The following DLGAP2 variants were observed in gnomAD, a reference collection of about 807,000 sequenced individuals.
DLGAP2 encodes the protein DLG associated protein 2.
Under a neutral mutation model 100.3 loss-of-function variants are expected in DLGAP2, and 26 were observed. That is an observed-to-expected ratio of 0.26 (90% CI 0.19 to 0.36). The LOEUF (loss-of-function observed/expected upper bound fraction) is 0.36. Among genes scored for constraint, DLGAP2 ranks in the 10% least tolerant of loss-of-function variants. The pLI is 1.00. For synonymous variants in DLGAP2, 886 were observed against 630.1 expected, an observed-to-expected ratio of 1.41 and a Z score of -6.08; for missense variants, 1,858 against 1,453.2, an observed-to-expected ratio of 1.28 and a Z score of -4.53.
At chr8:1,567,910 C>T (rs2059077028) in intron 6 of DLGAP2, among the ~76,000 whole-genome samples, 1 of 152,228 alleles carries the variant, frequency 6.6e-6, no homozygotes, top group Non-Finnish European at 1.5e-5. Flanking sequence ...AGAAAGCATT[C>T]CATGGCCTCA....
chr8:1,167,432 G>A (rs1404816568), intron 2 of DLGAP2, among the ~76,000 whole-genome samples: 7 of 152,212 alleles, frequency 4.6e-5, no homozygotes, highest in South Asian at 4.1e-4. Context: ...CTGTGTCCCC[G>A]GCTGCTAGGG....
At chr8:1,287,280 GTGGTT>G (rs1457420092) in intron 3 of DLGAP2, among the ~76,000 whole-genome samples, 2 of 46,442 alleles carry the variant, frequency 4.3e-5, no homozygotes, top group African/African-American at 3.3e-4. Flanking sequence ...GTGTGTGTGT[GTGGTT>G]GTTAGGAGGG....
chr8:1,415,665 G>C (rs563348632), intron 3 of DLGAP2, among the ~76,000 whole-genome samples: 15 of 152,298 alleles, frequency 9.8e-5, no homozygotes, highest in African/African-American at 3.6e-4. Context: ...CGGCTGCATA[G>C]AATTTCGTGG....
chr8:927,326 T>A, intron 2 of DLGAP2: 1 of 775,624 alleles, frequency 1.3e-6, no homozygotes, highest in Non-Finnish European at 1.6e-6. Context: ...ACATGTTGAT[T>A]CAATGACTAA....
chr8:833,767 A>C (rs148537785), intron 1 of DLGAP2, among the ~76,000 whole-genome samples: 5 of 152,312 alleles, frequency 3.3e-5, no homozygotes, highest in African/African-American at 1.2e-4. Context: ...ATGTATGCAT[A>C]CCTTTCATCT....
At chr8:875,197 C>G (rs1797667334) in intron 1 of DLGAP2, among the ~76,000 whole-genome samples, 1 of 152,172 alleles carries the variant, frequency 6.6e-6, no homozygotes, top group South Asian at 2.1e-4. Flanking sequence ...AAAATTAAGT[C>G]TGACAACATG....
At chr8:1,096,113 CAA>C (rs1192964540) in intron 2 of DLGAP2, among the ~76,000 whole-genome samples, 1 of 152,216 alleles carries the variant, frequency 6.6e-6, no homozygotes, top group Non-Finnish European at 1.5e-5. Flanking sequence ...TTACATCACA[CAA>C]GTGTGTAAAC....
chr8:1,101,534 A>C (rs2129043782), intron 2 of DLGAP2, among the ~76,000 whole-genome samples: 1 of 152,034 alleles, frequency 6.6e-6, no homozygotes, highest in East Asian at 1.9e-4. Flanking sequence ...CTGGGGGTGG[A>C]GGGGGCATTT....
chr8:1,636,539 T>TTTAC (rs1258224901), intron 8 of DLGAP2, among the ~76,000 whole-genome samples: 4 of 152,236 alleles, frequency 2.6e-5, no homozygotes, highest in Non-Finnish European at 5.9e-5. Flanking sequence ...TTTTTAAAAT[T>TTTAC]TTACTTCTTT....
At chr8:1,223,697 G>C (rs909179062) in intron 2 of DLGAP2, among the ~76,000 whole-genome samples, 1 of 152,180 alleles carries the variant, frequency 6.6e-6, no homozygotes, top group Non-Finnish European at 1.5e-5. Context: ...GTCTGCCACT[G>C]TGGGCCCCTG....
chr8:1,474,829 C>A (rs1174405224), intron 3 of DLGAP2, among the ~76,000 whole-genome samples: 3 of 152,302 alleles, frequency 2.0e-5, no homozygotes, highest in Middle Eastern at 6.8e-3. Context: ...TTGTAGATTT[C>A]TCAAAGAACT....
intron 6 of DLGAP2, among the ~76,000 whole-genome samples, chr8:1,613,381 G>A (rs1301276364): frequency 4.0e-5 from 6 of 151,808 alleles, no homozygotes; most frequent in Non-Finnish European, 1.5e-5. Context: ...ATCACACTCT[G>A]GGGACTGTGG....
At chr8:1,475,184 G>A (rs1450109765) in intron 3 of DLGAP2, among the ~76,000 whole-genome samples, 1 of 152,146 alleles carries the variant, frequency 6.6e-6, no homozygotes, top group Admixed American at 6.5e-5. Flanking sequence ...TGGACACAGA[G>A]ACGGGAACAA....
intron 3 of DLGAP2, among the ~76,000 whole-genome samples, chr8:1,443,276 C>G (rs1052734235): frequency 4.0e-5 from 6 of 151,618 alleles, no homozygotes; most frequent in African/African-American, 1.2e-4. Context: ...TTAATACTTC[C>G]AGCCTTCCCT....
At chr8:1,357,913 C>T (rs1442294301) in intron 3 of DLGAP2, among the ~76,000 whole-genome samples, 1 of 152,170 alleles carries the variant, frequency 6.6e-6, no homozygotes, top group African/African-American at 2.4e-5. Context: ...GATGTTGGCT[C>T]CCCACACTGT....
chr8:1,060,911 G>A (rs1371524355), intron 2 of DLGAP2, among the ~76,000 whole-genome samples: 1 of 152,198 alleles, frequency 6.6e-6, no homozygotes, highest in Non-Finnish European at 1.5e-5. Flanking sequence ...CTTAGGGAAG[G>A]GAGACTTACT....
intron 2 of DLGAP2, among the ~76,000 whole-genome samples, chr8:1,100,259 G>C (rs1381149625): frequency 1.3e-5 from 2 of 151,320 alleles, no homozygotes; most frequent in Non-Finnish European, 2.9e-5. Flanking sequence ...GACAGCGTGT[G>C]TAGGGAAAAC....
chr8:1,232,835 C>A (rs978759708), intron 2 of DLGAP2, among the ~76,000 whole-genome samples: 1 of 152,102 alleles, frequency 6.6e-6, no homozygotes, highest in Non-Finnish European at 1.5e-5. Context: ...TTGAAGTGTG[C>A]GAGCCAGTGG....
intron 2 of DLGAP2, among the ~76,000 whole-genome samples, chr8:1,092,154 C>T (rs903402206): frequency 3.3e-5 from 5 of 152,184 alleles, no homozygotes; most frequent in African/African-American, 7.2e-5. Context: ...GCTCTGTCCT[C>T]GCCTGCCTGG....
Sources: gnomAD v4.1 joint callset for allele counts (sites outside exome capture counted in the v4.1 genomes callset) on GRCh38, gnomAD v4.1.1 for gene constraint, MANE v1.5 for transcripts, NCBI Gene and HGNC (gene_info 2026-07-23, HGNC 2026-07-21) for gene names.